KAT6B: variants seen among roughly 807,000 people sequenced by gnomAD.
The protein encoded by KAT6B is histone acetyltransferase KAT6B.
KAT6B carries 10 observed loss-of-function variants against 187.5 expected under a neutral mutation model. The observed-to-expected ratio is 0.05, with a 90% confidence interval of 0.03 to 0.09. KAT6B has a LOEUF of 0.09. KAT6B is among the 10% of genes least tolerant of loss of function. KAT6B has a pLI of 1.00. For synonymous variants in KAT6B, 861 were observed against 926.8 expected (o/e 0.93, Z 1.29); for missense variants, 1,952 against 2,558.9 (o/e 0.76, Z 5.12).
chr10:74,912,409 A>ATAGATAGATAGATAGG (rs1564559242), intron 3 of KAT6B, among the ~76,000 whole-genome samples: 1 of 152,110 alleles, frequency 6.6e-6, no homozygotes, highest in Non-Finnish European at 1.5e-5. Context: ...AGATAGATAG[A>ATAGATAGATAGATAGG]TAGAAAGATA....
chr10:74,893,703 C>T (rs1160468139), intron 3 of KAT6B, among the ~76,000 whole-genome samples: 1 of 152,136 alleles, frequency 6.6e-6, no homozygotes, highest in Non-Finnish European at 1.5e-5. Context: ...CTCCCGATCT[C>T]AGGTGATCTG....
chr10:74,884,305 C>G (rs568378163), intron 3 of KAT6B, among the ~76,000 whole-genome samples: 1 of 152,318 alleles, frequency 6.6e-6, no homozygotes, highest in South Asian at 2.1e-4. Flanking sequence ...GAAATTTTAT[C>G]TGTCAGGAGA....
chr10:74,914,532 C>T (rs1217228544), intron 3 of KAT6B, among the ~76,000 whole-genome samples: 1 of 152,118 alleles, frequency 6.6e-6, no homozygotes, highest in Middle Eastern at 3.2e-3. Context: ...TTTATTTCTT[C>T]TGGAAACTTT....
chr10:74,857,344 G>C (rs568033057), intron 3 of KAT6B, among the ~76,000 whole-genome samples: 3 of 152,116 alleles, frequency 2.0e-5, no homozygotes, highest in Non-Finnish European at 2.9e-5. Flanking sequence ...TAGAGGCTGC[G>C]CATATTCCTT....
intron 3 of KAT6B, among the ~76,000 whole-genome samples, chr10:74,919,556 A>G (rs1847959817): frequency 6.6e-6 from 1 of 151,966 alleles, no homozygotes; most frequent in African/African-American, 2.4e-5. Flanking sequence ...GTGCTCCACC[A>G]CGCCCTGCTA....
rs993799180 is a variant in KAT6B at position 75,031,652 on chromosome 10, A to G, written c.*606A>G. On this transcript the variant is annotated 3_prime_UTR_variant, in exon 18 of 18. Coordinates refer to ENST00000287239, the MANE Select transcript of KAT6B (RefSeq NM_012330.4). ...TATTTTTGTTAATTATAAAACTGTA[A>G]AGAGCTATAAAAGCTATTCCCATTT... is the stretch of plus-strand genomic sequence containing the variant. The G allele has an allele frequency of 9.5e-6, 2 of 211,150 alleles. No homozygotes were observed. Among genetic ancestry groups the G allele is most frequent in the Non-Finnish European group, 1.9e-5 (2 of 104,212 alleles). 13.1% of individuals were successfully genotyped at this position (211,150 alleles called of 1,614,324 possible). A position where few individuals can be genotyped will look rare whatever the true frequency, so the allele number is the denominator to read the frequency against.
chr10:74,890,164 C>T (rs1018823092), intron 3 of KAT6B, among the ~76,000 whole-genome samples: 1 of 151,984 alleles, frequency 6.6e-6, no homozygotes, highest in Non-Finnish European at 1.5e-5. Flanking sequence ...TCAGCCTCCC[C>T]AGTAGCTGGG....
At chr10:74,833,465 G>C (rs1415880737) in intron 1 of KAT6B, among the ~76,000 whole-genome samples, 1 of 152,136 alleles carries the variant, frequency 6.6e-6, no homozygotes, top group African/African-American at 2.4e-5. Flanking sequence ...TTAAATTTTA[G>C]AGACTGAAAC....
intron 3 of KAT6B, among the ~76,000 whole-genome samples, chr10:74,927,366 T>A (rs538750999): frequency 6.6e-6 from 1 of 151,718 alleles, no homozygotes; most frequent in Admixed American, 6.6e-5. Context: ...CGGGAGAGCC[T>A]GAATGATCAG....
rs1458807926 is a variant in KAT6B at position 74,975,997 on chromosome 10, C to G, written c.1660C>G (p.Gln554Glu). ...FDGLSHIYTT[Q>E]GQSRKKGHPS... is the part of the protein sequence containing the mutation. ...TGGGCTTTCTCATATCTATACCACT[C>G]AGGGACAGTCTCGCAAAAAGGGACA... The change falls in exon 8 of 18, where the codon CAG becomes GAG. Residue 554 changes from glutamine (Q) to glutamate (E), a missense_variant. Physicochemically the swap from Gln to Glu is conservative, Grantham distance 29. Transcript: ENST00000287239. The G allele has an allele frequency of 6.2e-7, 1 of 1,614,024 alleles. No individual in the cohort carries two copies. Among genetic ancestry groups the G allele is most frequent in the Non-Finnish European group, 8.5e-7 (1 of 1,180,030 alleles).
At chr10:74,840,951 A>G (rs1841703255) in intron 2 of KAT6B, among the ~76,000 whole-genome samples, 1 of 152,246 alleles carries the variant, frequency 6.6e-6, no homozygotes, top group African/African-American at 2.4e-5. Context: ...TCTCTTAGGT[A>G]TAGTCTGTCT....
chr10:74,866,153 G>A (rs1354470088), intron 3 of KAT6B, among the ~76,000 whole-genome samples: 1 of 151,252 alleles, frequency 6.6e-6, no homozygotes, highest in South Asian at 2.1e-4. Context: ...CTTATTTGGG[G>A]GATAATTGGA....
chr10:74,862,898 A>T (rs1843284034), intron 3 of KAT6B, among the ~76,000 whole-genome samples: 1 of 152,132 alleles, frequency 6.6e-6, no homozygotes, highest in Non-Finnish European at 1.5e-5. Context: ...ACTCTGCCAT[A>T]CTGTTTGGGA....
At position 75,030,360 on chromosome 10, in the gene KAT6B, A is replaced by G; in HGVS notation, c.5536A>G (p.Ser1846Gly). The G allele has an allele frequency of 6.2e-7, 1 of 1,614,242 alleles. No homozygotes were observed. Among genetic ancestry groups the G allele is most frequent in the South Asian group, 1.1e-5 (1 of 91,090 alleles). Reference sequence around the variant, plus strand: ...CGCTGCTGTGACTTCCTATGCAAACAGTGCCTCTTTGTCCACACCATTAAG... The same window carrying G: ...CGCTGCTGTGACTTCCTATGCAAACGGTGCCTCTTTGTCCACACCATTAAG... Reference protein sequence around the residue: ...HSAAVTSYANSASLSTPLSNT... With the variant: ...HSAAVTSYANGASLSTPLSNT... Residue 1846 changes from serine to glycine, a missense_variant, in exon 18 of 18, where the codon AGT (serine) becomes GGT (glycine). By Grantham distance (56) the Ser-to-Gly change is moderately conservative (BLOSUM62 0). This residue lies in a region of KAT6B where 358 missense variants were observed against 436.3 expected (regional missense o/e 0.82). Coordinates refer to ENST00000287239, the MANE Select transcript of KAT6B (RefSeq NM_012330.4). This position sits in a 1 kb window ranked among gnomAD's most constrained non-coding sequence, Gnocchi z 4.8.
At chr10:74,836,655 A>G (rs1267539020) in intron 1 of KAT6B, among the ~76,000 whole-genome samples, 1 of 152,238 alleles carries the variant, frequency 6.6e-6, no homozygotes, top group Non-Finnish European at 1.5e-5. Context: ...TCATGTTGTC[A>G]GACAACAGAT....
intron 3 of KAT6B, among the ~76,000 whole-genome samples, chr10:74,954,054 G>A (rs1840502967): frequency 6.6e-6 from 1 of 152,112 alleles, no homozygotes; most frequent in Non-Finnish European, 1.5e-5. Flanking sequence ...ATTAACTCTA[G>A]AACCGTTAAA....
chr10:74,873,569 G>C (rs1844176434), intron 3 of KAT6B, among the ~76,000 whole-genome samples: 1 of 152,164 alleles, frequency 6.6e-6, no homozygotes, highest in Non-Finnish European at 1.5e-5. Context: ...CCTGGGAGGA[G>C]GCCTTTGTGA....
chr10:74,910,060 A>T (rs1847078510), intron 3 of KAT6B, among the ~76,000 whole-genome samples: 1 of 151,602 alleles, frequency 6.6e-6, no homozygotes, highest in Admixed American at 6.6e-5. Context: ...CTTACTGGGC[A>T]TGGTGGATCA....
chr10:74,883,189 T>TA (rs1844985268), intron 3 of KAT6B, among the ~76,000 whole-genome samples: 1 of 152,234 alleles, frequency 6.6e-6, no homozygotes, highest in South Asian at 2.1e-4. Context: ...ATGAAATTTT[T>TA]ACCACTTAAC....
Sources: allele counts gnomAD v4.1 joint callset (sites outside exome capture counted in the v4.1 genomes callset), GRCh38; gene constraint gnomAD v4.1.1; regional missense constraint gnomAD v4.1.1; non-coding constraint Gnocchi (gnomAD v3.1); transcripts MANE v1.5; gene names NCBI Gene and HGNC (gene_info 2026-07-23, HGNC 2026-07-21).